Variants in ARHGAP26 observed in about 807,000 individuals in gnomAD.
The protein encoded by ARHGAP26 is rho GTPase-activating protein 26.
In ARHGAP26, 38 loss-of-function variants were observed where a neutral mutation model predicts 104.8. The observed-to-expected ratio is 0.36, with a 90% confidence interval of 0.28 to 0.48. ARHGAP26 has a LOEUF of 0.48. Ranked by LOEUF, ARHGAP26 falls within the 20% of genes least tolerant of loss-of-function variation. The pLI is 0.99. For synonymous variants in ARHGAP26, 341 were observed against 340.0 expected, an observed-to-expected ratio of 1.00 and a Z score of -0.03; for missense variants, 704 against 947.9, an observed-to-expected ratio of 0.74 and a Z score of 3.38.
chr5:143,129,668 A>G (rs1797111266), intron 18 of ARHGAP26, among the ~76,000 whole-genome samples: 1 of 152,228 alleles, frequency 6.6e-6, no homozygotes, highest in Admixed American at 6.5e-5. Context: ...CAAGAATAAT[A>G]GTACCTCCCT....
chr5:143,131,663 A>G (rs560228610), intron 18 of ARHGAP26, among the ~76,000 whole-genome samples: 1 of 152,202 alleles, frequency 6.6e-6, no homozygotes, highest in East Asian at 1.9e-4. Context: ...CAGCCCTGGG[A>G]CTTCACTCCT....
At chr5:143,155,094 C>T (rs1015075327) in intron 20 of ARHGAP26, among the ~76,000 whole-genome samples, 32 of 152,184 alleles carry the variant, frequency 2.1e-4, no homozygotes, top group African/African-American at 7.7e-4. Context: ...CTCTTCAGAC[C>T]GATTTGCCTG....
At chr5:143,004,812 C>T (rs1161467395) in intron 11 of ARHGAP26, among the ~76,000 whole-genome samples, 2 of 152,118 alleles carry the variant, frequency 1.3e-5, no homozygotes, top group Non-Finnish European at 2.9e-5. Context: ...GTGGAGCCAA[C>T]AAGAACCAGG....
In ARHGAP26 at chr5:143,113,738, T is replaced by C. The variant is rs80051791; in HGVS notation, c.1539-7250T>C. ...CACAGGCATAAATGCTCTTTCTCTC[T>C]TTTGTTTTTACTTCTTCCAATTTAG... On this transcript the variant is annotated intron_variant, in intron 17 of 22. Transcript: ENST00000645722. Among the ~76,000 whole-genome samples the C allele has an allele frequency of 5.2e-3, 791 of 152,366 alleles. 17 individuals carry two copies. The East Asian group carries it at 0.068, about 13-fold the overall frequency.
intron 22 of ARHGAP26, chr5:143,216,859 A>T (rs553813480): frequency 6.5e-6 from 1 of 153,028 alleles, no homozygotes; most frequent in African/African-American, 2.4e-5. Context: ...CAATTGGGTT[A>T]GCTCAAAATA....
chr5:142,798,980 T>G (rs996580318), intron 1 of ARHGAP26, among the ~76,000 whole-genome samples: 1 of 152,328 alleles, frequency 6.6e-6, no homozygotes, highest in African/African-American at 2.4e-5. Context: ...GCCTGGCAGC[T>G]TTCCTGGGCA....
intron 1 of ARHGAP26, among the ~76,000 whole-genome samples, chr5:142,787,981 A>T: frequency 6.8e-6 from 1 of 146,084 alleles, no homozygotes. Flanking sequence ...TTTGTCCATG[A>T]TTATTAACCA....
chr5:142,928,836 C>G (rs1764296038), intron 10 of ARHGAP26, among the ~76,000 whole-genome samples: 1 of 152,196 alleles, frequency 6.6e-6, no homozygotes. Flanking sequence ...TGTAGAGGGT[C>G]TAATAGGCTC....
intron 20 of ARHGAP26, among the ~76,000 whole-genome samples, chr5:143,180,353 T>A (rs1181913880): frequency 6.6e-6 from 1 of 152,046 alleles, no homozygotes; most frequent in African/African-American, 2.4e-5. Context: ...CTCGATCTCT[T>A]GACCTCGTGA....
chr5:142,979,433 C>T (rs1347545894), intron 11 of ARHGAP26, among the ~76,000 whole-genome samples: 1 of 152,152 alleles, frequency 6.6e-6, no homozygotes, highest in East Asian at 1.9e-4. Context: ...TGGATTCTTC[C>T]ACCTTGGGAA....
intron 11 of ARHGAP26, among the ~76,000 whole-genome samples, chr5:142,933,990 A>T (rs1315976601): frequency 6.6e-6 from 1 of 152,146 alleles, no homozygotes; most frequent in African/African-American, 2.4e-5. Flanking sequence ...TCTTCAACTC[A>T]TAGGGGAGGA....
At chr5:142,801,835 A>G (rs1390163245) in intron 1 of ARHGAP26, among the ~76,000 whole-genome samples, 1 of 152,178 alleles carries the variant, frequency 6.6e-6, no homozygotes, top group African/African-American at 2.4e-5. Flanking sequence ...GAAACATTGC[A>G]TTTTTAAAAA....
chr5:142,938,802 G>A (rs1018413225), intron 11 of ARHGAP26, among the ~76,000 whole-genome samples: 19 of 152,016 alleles, frequency 1.2e-4, no homozygotes, highest in Admixed American at 3.3e-4. Flanking sequence ...TGCTTATATC[G>A]CCTCCTTATT....
chr5:143,085,811 C>A (rs1034079449), intron 17 of ARHGAP26, among the ~76,000 whole-genome samples: 6 of 152,216 alleles, frequency 3.9e-5, no homozygotes, highest in Non-Finnish European at 5.9e-5. Context: ...AACAAACCTC[C>A]TTAACCGAAA....
chr5:143,104,339 A>G (rs1793690355), intron 17 of ARHGAP26, among the ~76,000 whole-genome samples: 1 of 152,038 alleles, frequency 6.6e-6, no homozygotes, highest in Non-Finnish European at 1.5e-5. Flanking sequence ...GTGAAACCCC[A>G]TCTCTACTAA....
chr5:143,096,115 T>C (rs1278379187), intron 17 of ARHGAP26, among the ~76,000 whole-genome samples: 1 of 152,230 alleles, frequency 6.6e-6, no homozygotes, highest in African/African-American at 2.4e-5. Flanking sequence ...TGACCTACCT[T>C]GTACTTTGAG....
At chr5:142,984,922 T>TA (rs79500802) in intron 11 of ARHGAP26, among the ~76,000 whole-genome samples, 28,004 of 148,972 alleles carry the variant, frequency 0.19, 3,021 homozygotes, top group East Asian at 0.47. Flanking sequence ...TTCTACTTAT[T>TA]AAAAAAAAAA....
chr5:143,030,031 A>G (rs984596921), intron 12 of ARHGAP26, among the ~76,000 whole-genome samples: 1 of 152,130 alleles, frequency 6.6e-6, no homozygotes, highest in African/African-American at 2.4e-5. Flanking sequence ...TTTATAGACT[A>G]TATATATGTG....
chr5:143,141,650 G>C (rs1798552794), intron 19 of ARHGAP26, among the ~76,000 whole-genome samples: 1 of 152,180 alleles, frequency 6.6e-6, no homozygotes, highest in African/African-American at 2.4e-5. Context: ...TAATGAGCAA[G>C]AATATAAGCC....
Sources: gnomAD v4.1 joint callset for allele counts (sites outside exome capture counted in the v4.1 genomes callset) on GRCh38, gnomAD v4.1.1 for gene constraint, MANE v1.5 for transcripts, NCBI Gene and HGNC (gene_info 2026-07-23, HGNC 2026-07-21) for gene names.